The following MAF variants were observed in gnomAD, a reference collection of about 807,000 sequenced individuals.
The protein encoded by MAF is MAF bZIP transcription factor.
Under a neutral mutation model 22.0 loss-of-function variants are expected in MAF, and 10 were observed. The ratio of observed to expected loss-of-function variants is 0.45; its 90% CI spans 0.28 to 0.77. The LOEUF (loss-of-function observed/expected upper bound fraction) is 0.77. MAF is among the 30% of genes least tolerant of loss of function. The pLI is 0.12. For synonymous variants in MAF, 337 were observed against 255.8 expected (o/e 1.32, Z -3.03); for missense variants, 544 against 548.4 (o/e 0.99, Z 0.08).
chr16:79,392,021 G>C, the MAF span, among the ~76,000 whole-genome samples: 7 of 150,192 alleles, frequency 4.7e-5, no homozygotes, highest in Non-Finnish European at 8.9e-5. Flanking sequence ...TAAGGAAAGA[G>C]AGAGAGGGAA....
At chr16:79,225,113 T>G in the MAF span, among the ~76,000 whole-genome samples, 1 of 152,242 alleles carries the variant, frequency 6.6e-6, no homozygotes, top group African/African-American at 2.4e-5. Flanking sequence ...CTTCAAAGGA[T>G]ACTACAAGGC....
the MAF span, among the ~76,000 whole-genome samples, chr16:79,476,471 T>C: frequency 1.6e-4 from 25 of 152,312 alleles, no homozygotes; most frequent in South Asian, 2.1e-4. Flanking sequence ...GAAGTGTGCA[T>C]CGACATTTGA....
At chr16:79,403,861 G>C in the MAF span, among the ~76,000 whole-genome samples, 3 of 152,292 alleles carry the variant, frequency 2.0e-5, no homozygotes, top group East Asian at 1.9e-4. Flanking sequence ...ATTTCACAGA[G>C]AGCCTTTCTT....
At chr16:79,451,152 C>T in the MAF span, among the ~76,000 whole-genome samples, 1 of 152,184 alleles carries the variant, frequency 6.6e-6, no homozygotes, top group Admixed American at 6.5e-5. Flanking sequence ...AAATGCTACC[C>T]ACCACCTTCA....
the MAF span, among the ~76,000 whole-genome samples, chr16:79,577,364 A>C: frequency 1.3e-5 from 2 of 152,218 alleles, no homozygotes; most frequent in African/African-American, 4.8e-5. Context: ...TGGTCGAGAT[A>C]GTGTCTATCT....
the MAF span, among the ~76,000 whole-genome samples, chr16:79,538,841 A>C: frequency 1.9e-5 from 2 of 103,674 alleles, no homozygotes; most frequent in East Asian, 4.6e-4. Flanking sequence ...AAAGAAGGAA[A>C]GAAAGAAAGA....
chr16:79,243,640 A>G, the MAF span, among the ~76,000 whole-genome samples: 2 of 152,064 alleles, frequency 1.3e-5, no homozygotes, highest in Non-Finnish European at 2.9e-5. Context: ...CAGAGGTACA[A>G]AGAGGAGCTG....
the MAF span, among the ~76,000 whole-genome samples, chr16:79,334,357 C>T: frequency 3.9e-5 from 6 of 152,120 alleles, no homozygotes; most frequent in Middle Eastern, 3.2e-3. Flanking sequence ...GAATCCACAC[C>T]GTACAGTCCC....
chr16:79,457,093 G>A, the MAF span, among the ~76,000 whole-genome samples: 1 of 152,086 alleles, frequency 6.6e-6, no homozygotes. Context: ...AACATACTCA[G>A]AATCACAAGT....
At chr16:79,326,337 A>C in the MAF span, among the ~76,000 whole-genome samples, 1 of 152,176 alleles carries the variant, frequency 6.6e-6, no homozygotes, top group African/African-American at 2.4e-5. Flanking sequence ...TAAATTTAAG[A>C]TGTTTTGTCC....
chr16:79,261,468 C>G, the MAF span, among the ~76,000 whole-genome samples: 1 of 152,198 alleles, frequency 6.6e-6, no homozygotes, highest in Non-Finnish European at 1.5e-5. Flanking sequence ...TCTTTTAAGA[C>G]TTAGCACAGG....
the MAF span, chr16:79,211,638 G>A: frequency 1.2e-6 from 2 of 1,614,202 alleles, no homozygotes; most frequent in Non-Finnish European, 8.5e-7. Flanking sequence ...CGTGTACTGT[G>A]CTGCTGTCCC....
the MAF span, among the ~76,000 whole-genome samples, chr16:79,208,584 G>A: frequency 2.0e-5 from 3 of 152,002 alleles, no homozygotes; most frequent in Admixed American, 6.5e-5. Context: ...TGCCCCAAAA[G>A]GTGGTATGAA....
intron 1 of MAF, chr16:79,596,700 T>C: frequency 9.6e-7 from 1 of 1,038,982 alleles, no homozygotes; most frequent in Non-Finnish European, 1.2e-6. Flanking sequence ...AAAGACAGGA[T>C]GTCAGTCCCT....
chr16:79,258,153 A>T, the MAF span, among the ~76,000 whole-genome samples: 2 of 152,108 alleles, frequency 1.3e-5, no homozygotes, highest in African/African-American at 4.8e-5. Context: ...GCATTTCCCT[A>T]AGAAAGGAGG....
chr16:79,358,462 G>A, the MAF span, among the ~76,000 whole-genome samples: 30 of 152,248 alleles, frequency 2.0e-4, no homozygotes, highest in African/African-American at 6.7e-4. Flanking sequence ...AGGCAGCCCA[G>A]CAGAGCTACT....
chr16:79,506,490 C>G, the MAF span, among the ~76,000 whole-genome samples: 1 of 152,322 alleles, frequency 6.6e-6, no homozygotes, highest in South Asian at 2.1e-4. Context: ...GGGTGAGGCT[C>G]TCCTGCATGG....
the MAF span, among the ~76,000 whole-genome samples, chr16:79,530,238 T>A: frequency 3.8e-3 from 574 of 152,300 alleles, 3 homozygotes; most frequent in African/African-American, 0.013. Flanking sequence ...TCCCATTTCT[T>A]AGGGAAACCA....
the MAF span, chr16:79,516,184 T>C: frequency 6.6e-6 from 1 of 152,112 alleles, no homozygotes; most frequent in Non-Finnish European, 1.5e-5. Flanking sequence ...AGGTCCAAGC[T>C]GGGCCCATCA....
Sources: gnomAD v4.1 joint callset for allele counts (sites outside exome capture counted in the v4.1 genomes callset) on GRCh38, gnomAD v4.1.1 for gene constraint, MANE v1.5 for transcripts, NCBI Gene and HGNC (gene_info 2026-07-23, HGNC 2026-07-21) for gene names.